The following MAN1A1 variants were observed in gnomAD, a reference collection of about 807,000 sequenced individuals.
MAN1A1 encodes the protein mannosyl-oligosaccharide 1,2-alpha-mannosidase IA.
MAN1A1 carries 29 observed loss-of-function variants against 70.8 expected under a neutral mutation model. That is an observed-to-expected ratio of 0.41 (90% confidence interval 0.31 to 0.56). The LOEUF is 0.56. Ranked by LOEUF, MAN1A1 falls within the 20% of genes least tolerant of loss-of-function variation. MAN1A1 has a pLI of 0.29. For synonymous variants in MAN1A1, 349 were observed against 330.1 expected, an observed-to-expected ratio of 1.06 and a Z score of -0.62; for missense variants, 747 against 841.3, an observed-to-expected ratio of 0.89 and a Z score of 1.39.
At chr6:119,258,622 C>A (rs1775523311) in intron 5 of MAN1A1, among the ~76,000 whole-genome samples, 1 of 152,166 alleles carries the variant, frequency 6.6e-6, no homozygotes, top group Admixed American at 6.5e-5. Context: ...CTAGGCATGA[C>A]TGCATATCAT....
rs1774919870 is a variant in MAN1A1 at position 119,238,618 on chromosome 6, T to A, written c.992+9642A>T. 2.0e-5 allele frequency among the ~76,000 whole-genome samples: 3 copies of A among 152,306 alleles called. No individual in the cohort carries two copies. In the East Asian group the frequency reaches 5.8e-4, roughly 29 times the overall value. Reference sequence around the variant, plus strand: ...AGAGCTTTACTAATGTCCTATTACTTGATCAGTTTTGAAAGTGATTATCTT... The same window carrying A: ...AGAGCTTTACTAATGTCCTATTACTAGATCAGTTTTGAAAGTGATTATCTT... On this transcript the variant is annotated intron_variant, in intron 6 of 12. Transcript: ENST00000368468.
intron 11 of MAN1A1, among the ~76,000 whole-genome samples, chr6:119,185,953 G>T (rs76550671): frequency 0.083 from 12,554 of 150,592 alleles, 1,759 homozygotes; most frequent in African/African-American, 0.29. Context: ...ACACTATTCA[G>T]CCCTAAAAGA....
At chr6:119,238,179 G>C (rs1446283152) in intron 6 of MAN1A1, among the ~76,000 whole-genome samples, 2 of 152,104 alleles carry the variant, frequency 1.3e-5, no homozygotes, top group Non-Finnish European at 2.9e-5. Flanking sequence ...GGGACAAAGA[G>C]ACAATAAGAC....
At chr6:119,192,898 A>T (rs745490610) in intron 9 of MAN1A1, among the ~76,000 whole-genome samples, 1 of 152,048 alleles carries the variant, frequency 6.6e-6, no homozygotes, top group African/African-American at 2.4e-5. Flanking sequence ...GCTTAACTGG[A>T]GGTGTTTCTT....
intron 11 of MAN1A1, among the ~76,000 whole-genome samples, chr6:119,185,460 G>A (rs544748819): frequency 6.6e-6 from 1 of 152,206 alleles, no homozygotes; most frequent in Non-Finnish European, 1.5e-5. Flanking sequence ...TAGGAAGACG[G>A]CTTACAAATA....
At chr6:119,232,714 T>G (rs1222389964) in intron 6 of MAN1A1, among the ~76,000 whole-genome samples, 1 of 139,788 alleles carries the variant, frequency 7.2e-6, no homozygotes, top group Non-Finnish European at 1.5e-5. Flanking sequence ...TGTGTGTGTG[T>G]GTGTATATTT....
chr6:119,286,419 T>A (rs752419857), intron 5 of MAN1A1, among the ~76,000 whole-genome samples: 7 of 152,114 alleles, frequency 4.6e-5, no homozygotes, highest in Non-Finnish European at 1.0e-4. Context: ...ACAATCCTAC[T>A]CCCCTCTGTG....
intron 2 of MAN1A1, among the ~76,000 whole-genome samples, chr6:119,308,706 T>TA (rs545313704): frequency 2.6e-5 from 4 of 152,176 alleles, no homozygotes; most frequent in African/African-American, 7.2e-5. Context: ...ACTAGGTATA[T>TA]AAAAAATCTA....
Position 119,204,758 on chromosome 6 carries a change from C to G in MAN1A1, c.1116+1G>C. On this transcript the variant is annotated splice_donor_variant, in intron 7 of 12. Coordinates refer to ENST00000368468, the MANE Select transcript of MAN1A1 (RefSeq NM_005907.4). LOFTEE classifies it high-confidence loss of function. ...GGCCAAGGCACATTGAAGAATCTCA[C>G]CTTTTCAGCAAAGATGGGGTTTCCT... 1.2e-6 allele frequency: 2 copies of G among 1,613,900 alleles called. No homozygotes were observed. Among genetic ancestry groups the G allele is most frequent in the Non-Finnish European group, 1.7e-6 (2 of 1,179,838 alleles).
At chr6:119,275,720 G>GCTCA (rs1354261602) in intron 5 of MAN1A1, among the ~76,000 whole-genome samples, 1 of 152,224 alleles carries the variant, frequency 6.6e-6, no homozygotes, top group Non-Finnish European at 1.5e-5. Flanking sequence ...GGGATTACAG[G>GCTCA]CGTGAGCCAC....
At chr6:119,338,535 G>C (rs1773522308) in intron 2 of MAN1A1, among the ~76,000 whole-genome samples, 1 of 152,162 alleles carries the variant, frequency 6.6e-6, no homozygotes, top group Non-Finnish European at 1.5e-5. Flanking sequence ...TCTTCTTTAA[G>C]AATTCAGCTG....
intron 8 of MAN1A1, among the ~76,000 whole-genome samples, chr6:119,197,118 G>A (rs1266822334): frequency 6.6e-6 from 1 of 152,114 alleles, no homozygotes; most frequent in Admixed American, 6.5e-5. Context: ...AGATCAGCCT[G>A]GCCAACATGG....
At chr6:119,327,422 C>G (rs2114487081) in intron 2 of MAN1A1, 1 of 126,764 alleles carries the variant, frequency 7.9e-6, no homozygotes. Context: ...CAGGGTCTCG[C>G]TCTGTCGCCC....
At chr6:119,305,239 T>G (rs1413911421) in intron 3 of MAN1A1, among the ~76,000 whole-genome samples, 4 of 152,194 alleles carry the variant, frequency 2.6e-5, no homozygotes, top group African/African-American at 4.8e-5. Flanking sequence ...AATAACAAAT[T>G]TTAAAATCAT....
chr6:119,245,665 A>G (rs1024577616), intron 6 of MAN1A1, among the ~76,000 whole-genome samples: 1 of 152,140 alleles, frequency 6.6e-6, no homozygotes, highest in African/African-American at 2.4e-5. Context: ...ACTGGTATTT[A>G]GTAAATGGGA....
intron 2 of MAN1A1, among the ~76,000 whole-genome samples, chr6:119,319,381 A>ATCATCATCATC (rs1562240854): frequency 5.5e-5 from 8 of 145,312 alleles, no homozygotes; most frequent in African/African-American, 2.1e-4. Flanking sequence ...TAATAATAAT[A>ATCATCATCATC]ATAATAATAA....
intron 5 of MAN1A1, among the ~76,000 whole-genome samples, chr6:119,273,813 G>A (rs561486297): frequency 6.6e-6 from 1 of 152,278 alleles, no homozygotes; most frequent in African/African-American, 2.4e-5. Flanking sequence ...AGGAAAAAAA[G>A]GTTGGGGGAG....
At chr6:119,265,246 A>G (rs1775721021) in intron 5 of MAN1A1, among the ~76,000 whole-genome samples, 1 of 152,032 alleles carries the variant, frequency 6.6e-6, no homozygotes, top group Non-Finnish European at 1.5e-5. Context: ...GACTACAGGC[A>G]TGCACCAATA....
intron 6 of MAN1A1, among the ~76,000 whole-genome samples, chr6:119,207,243 CA>C (rs1773888455): frequency 6.6e-6 from 1 of 151,952 alleles, no homozygotes; most frequent in African/African-American, 2.4e-5. Flanking sequence ...TTTCTGTCAC[CA>C]CCCCCCCAAC....
Sources: allele counts gnomAD v4.1 joint callset (sites outside exome capture counted in the v4.1 genomes callset), GRCh38; gene constraint gnomAD v4.1.1; transcripts MANE v1.5; gene names NCBI Gene and HGNC (gene_info 2026-07-23, HGNC 2026-07-21).